PPP2R2C: variants seen among roughly 807,000 people sequenced by gnomAD.
PPP2R2C encodes protein phosphatase 2 regulatory subunit Bgamma, also known as protein phosphatase 2, regulatory subunit B, gamma.
In PPP2R2C, 10 loss-of-function variants were observed where a neutral mutation model predicts 45.3. The ratio of observed to expected loss-of-function variants is 0.22; its 90% CI spans 0.14 to 0.37. The LOEUF (loss-of-function observed/expected upper bound fraction) is 0.37. Ranked by LOEUF, PPP2R2C falls within the 10% of genes least tolerant of loss-of-function variation. The pLI, the probability that PPP2R2C is intolerant of heterozygous loss-of-function variation, is 1.00. For missense variants in PPP2R2C, 308 were observed against 619.7 expected, an observed-to-expected ratio of 0.50 and a Z score of 5.34; for synonymous variants, 257 against 245.4, an observed-to-expected ratio of 1.05 and a Z score of -0.44.
chr4:6,323,207 G>T lies in PPP2R2C; in HGVS notation c.*95C>A. ...CTCTGCAGCTGTCCTCATCAGTGCT[G>T]TGACTTTCTTCCCCTCCTTGCATTG... On this transcript the variant is annotated 3_prime_UTR_variant, in exon 9 of 9. Transcript: ENST00000382599. 1 of 1,438,946 alleles carries T rather than the reference G, an allele frequency of 6.9e-7. No homozygotes were observed. The highest frequency in any genetic ancestry group is 9.4e-7 in the Non-Finnish European group (1 of 1,060,744). 89.1% of individuals were successfully genotyped at this position (1,438,946 alleles called of 1,614,324 possible).
chr4:6,381,092 C>T lies in PPP2R2C; in HGVS notation c.73G>A (p.Asp25Asn). ...LRDHSYVTEA[D>N]IISTVEFNHT... ...TTGAACTCAACGGTAGAGATGATGT[C>T]AGCTGGGAGGGGAACAGCAAGACGG... Residue 25 changes from aspartate to asparagine, a missense_variant and splice_region_variant, in exon 2 of 9, where the codon GAC (aspartate) becomes AAC (asparagine). Asp to Asn is a conservative substitution (Grantham distance 23). Coordinates refer to ENST00000382599, the MANE Select transcript of PPP2R2C (RefSeq NM_020416.4). The T allele has an allele frequency of 6.3e-7, 1 of 1,582,574 alleles. No individual in the cohort carries two copies. Among genetic ancestry groups the T allele is most frequent in the Non-Finnish European group, 8.6e-7 (1 of 1,162,374 alleles).
intron 1 of PPP2R2C, chr4:6,383,644 A>G (rs56185469): frequency 0.078 from 38,758 of 494,222 alleles, 1,832 homozygotes; most frequent in Non-Finnish European, 0.097. Context: ...GCACCCCAGC[A>G]CCCTCATACA....
At chr4:6,487,362 G>T (rs1197992422) in intron 2 of PPP2R2C, among the ~76,000 whole-genome samples, 1 of 151,562 alleles carries the variant, frequency 6.6e-6, no homozygotes, top group Non-Finnish European at 1.5e-5. Context: ...TCTGTTTGAA[G>T]CACATCCTTT....
At chr4:6,552,425 G>A (rs779358852) in intron 1 of PPP2R2C, among the ~76,000 whole-genome samples, 10 of 152,086 alleles carry the variant, frequency 6.6e-5, no homozygotes, top group Non-Finnish European at 1.2e-4. Context: ...GCATTCCTTG[G>A]CTCATGACCC....
At chr4:6,350,189 G>A in intron 5 of PPP2R2C, 1 of 985,452 alleles carries the variant, frequency 1.0e-6, no homozygotes, top group African/African-American at 1.7e-5. Flanking sequence ...TGAAGGCCAA[G>A]CAAGAAAAGA....
At chr4:6,425,517 C>G (rs909020206) in intron 1 of PPP2R2C, among the ~76,000 whole-genome samples, 2 of 152,194 alleles carry the variant, frequency 1.3e-5, no homozygotes, top group African/African-American at 4.8e-5. Flanking sequence ...AGAATCAGCC[C>G]GAGAGCACAG....
At chr4:6,545,995 G>T (rs1272213467) in intron 1 of PPP2R2C, among the ~76,000 whole-genome samples, 4 of 152,190 alleles carry the variant, frequency 2.6e-5, no homozygotes, top group African/African-American at 7.2e-5. Flanking sequence ...GCAGTTTCCA[G>T]AGAAGCATGG....
chr4:6,503,730 A>C (rs968452144), intron 2 of PPP2R2C, among the ~76,000 whole-genome samples: 17 of 152,082 alleles, frequency 1.1e-4, no homozygotes, highest in Non-Finnish European at 1.8e-4. Flanking sequence ...AAACCTAAAC[A>C]TCCATCAGCA....
At chr4:6,393,927 C>T (rs1175632560) in intron 1 of PPP2R2C, among the ~76,000 whole-genome samples, 1 of 152,198 alleles carries the variant, frequency 6.6e-6, no homozygotes, top group African/African-American at 2.4e-5. Context: ...ATCGGATCCC[C>T]ATGGACCTTC....
intron 2 of PPP2R2C, among the ~76,000 whole-genome samples, chr4:6,520,191 A>G (rs1327136576): frequency 1.3e-5 from 2 of 152,094 alleles, no homozygotes; most frequent in African/African-American, 2.4e-5. Flanking sequence ...AAGAACCTCA[A>G]GAATGACAAT....
At chr4:6,387,304 G>C (rs2109325367) in intron 1 of PPP2R2C, among the ~76,000 whole-genome samples, 1 of 152,276 alleles carries the variant, frequency 6.6e-6, no homozygotes, top group African/African-American at 2.4e-5. Context: ...GGTACATCCT[G>C]GTCAAACTGC....
chr4:6,397,617 G>A (rs894420358), intron 1 of PPP2R2C, among the ~76,000 whole-genome samples: 3 of 105,702 alleles, frequency 2.8e-5, no homozygotes, highest in Non-Finnish European at 6.6e-5. Flanking sequence ...CCACAGAGAG[G>A]GCAGTGCAGC....
intron 1 of PPP2R2C, among the ~76,000 whole-genome samples, chr4:6,557,528 G>A (rs566768866): frequency 1.3e-5 from 2 of 152,330 alleles, no homozygotes; most frequent in African/African-American, 4.8e-5. Flanking sequence ...CCTGAAGGAT[G>A]AGTTAGAGTG....
chr4:6,433,966 A>G (rs1719755785), intron 1 of PPP2R2C, among the ~76,000 whole-genome samples: 1 of 152,218 alleles, frequency 6.6e-6, no homozygotes, highest in African/African-American at 2.4e-5. Flanking sequence ...AACAGTGAAA[A>G]TAAGTCTCCC....
Position 6,399,186 on chromosome 4 carries a change from T to C in PPP2R2C, c.71-18092A>G, listed in dbSNP as rs201175310. Among the ~76,000 whole-genome samples the C allele has an allele frequency of 4.6e-5, 7 of 152,306 alleles. No homozygotes were observed. The East Asian group carries it at 1.2e-3, about 25-fold the overall frequency. ...TTATGGGGGTGATTTCACAAACATA[T>C]ACATAGCTTGCCAATTCTAAGAATA... On this transcript the variant is annotated intron_variant, in intron 1 of 8. Transcript: ENST00000382599.
At chr4:6,379,636 G>A (rs964483139) in intron 2 of PPP2R2C, among the ~76,000 whole-genome samples, 3 of 152,220 alleles carry the variant, frequency 2.0e-5, no homozygotes, top group African/African-American at 7.2e-5. Context: ...GCTGAGCTTC[G>A]CAGTGCCTGG....
chr4:6,403,188 C>T (rs576744820), intron 1 of PPP2R2C, among the ~76,000 whole-genome samples: 2 of 152,294 alleles, frequency 1.3e-5, no homozygotes, highest in South Asian at 4.1e-4. Flanking sequence ...GCCGGGCTGT[C>T]GCTCTCATGC....
Position 6,511,194 on chromosome 4 carries a change from C to T in PPP2R2C, c.49+24077G>A, listed in dbSNP as rs1028734405. 4.6e-5 allele frequency among the ~76,000 whole-genome samples: 7 copies of T among 152,206 alleles called. No homozygotes were observed. In the East Asian group the frequency reaches 1.2e-3, roughly 25 times the overall value. ...AGAAAAACACGCAAAATGCTTAGAACGATGCCTGGCATGGCGTGAGTGCTC... is the reference window on the plus strand; with the variant it reads ...AGAAAAACACGCAAAATGCTTAGAATGATGCCTGGCATGGCGTGAGTGCTC... On this transcript the variant is annotated intron_variant, in intron 2 of 9. Coordinates refer to the PPP2R2C transcript ENST00000506140.
chr4:6,347,597 G>A (rs755000849), intron 6 of PPP2R2C, among the ~76,000 whole-genome samples: 39 of 152,186 alleles, frequency 2.6e-4, no homozygotes, highest in African/African-American at 8.4e-4. Flanking sequence ...CCTGACCCTC[G>A]CCCTAGAGCC....
Sources: allele counts gnomAD v4.1 joint callset (sites outside exome capture counted in the v4.1 genomes callset), GRCh38; gene constraint gnomAD v4.1.1; transcripts MANE v1.5; gene names NCBI Gene and HGNC (gene_info 2026-07-23, HGNC 2026-07-21).